UNC5C: variants seen among roughly 807,000 people sequenced by gnomAD.
UNC5C encodes unc-5 netrin receptor C, also known as netrin receptor UNC5C.
UNC5C carries 47 observed loss-of-function variants against 99.8 expected under a neutral mutation model. The ratio of observed to expected loss-of-function variants is 0.47; its 90% CI spans 0.37 to 0.60. The LOEUF (loss-of-function observed/expected upper bound fraction) is 0.60. Among genes scored for constraint, UNC5C ranks in the 20% least tolerant of loss-of-function variants. The probability of loss-of-function intolerance (pLI) is 0.00; values close to 1 mark genes in which losing one functional copy is unlikely to be tolerated. For missense variants in UNC5C, 1,062 were observed against 1,165.9 expected (o/e 0.91, Z 1.30); for synonymous variants, 487 against 452.2 (o/e 1.08, Z -0.98).
chr4:95,458,707 G>A (rs573250444), intron 1 of UNC5C, among the ~76,000 whole-genome samples: 1 of 152,006 alleles, frequency 6.6e-6, no homozygotes, highest in South Asian at 2.1e-4. Flanking sequence ...TGGTGTAAAG[G>A]AATAAATGAA....
In UNC5C at chr4:95,169,413, A is replaced by G; in HGVS notation, c.2631-14T>C. On this transcript the variant is annotated splice_polypyrimidine_tract_variant and intron_variant, in intron 15 of 15. Transcript: ENST00000453304. The stretch of plus-strand genomic sequence containing the variant: ...TAATTCAAGTACCTGTAATTGGGAA[A>G]GAGAAAATGTGCTCAACAGTGTGAC... 1 of 1,613,492 alleles carries G rather than the reference A, an allele frequency of 6.2e-7. No homozygotes were observed. Among genetic ancestry groups the G allele is most frequent in the Admixed American group, 1.7e-5 (1 of 60,022 alleles).
chr4:95,405,093 C>T (rs1352120833), intron 1 of UNC5C, among the ~76,000 whole-genome samples: 1 of 152,184 alleles, frequency 6.6e-6, no homozygotes. Context: ...GGATGCTGGA[C>T]AAGAGCTTGG....
chr4:95,309,154 C>T (rs1463862381), intron 2 of UNC5C, among the ~76,000 whole-genome samples: 1 of 152,076 alleles, frequency 6.6e-6, no homozygotes, highest in Non-Finnish European at 1.5e-5. Flanking sequence ...TGATTTTTGA[C>T]AGAGATGCCA....
chr4:95,442,367 T>A (rs1181850734), intron 1 of UNC5C, among the ~76,000 whole-genome samples: 1 of 143,234 alleles, frequency 7.0e-6, no homozygotes, highest in East Asian at 2.2e-4. Flanking sequence ...CATGCCCAGC[T>A]AATTTTTTTT....
Position 95,169,114 on chromosome 4 carries a change from G to T in UNC5C, c.*120C>A. On this transcript the variant is annotated 3_prime_UTR_variant, in exon 16 of 16. Transcript: ENST00000453304. ...ATCTGTTTTCCTTCTGGCTCCTGCTGCAGTCTTGCCTGTGAAGTGCATTGG... is the reference window on the plus strand; with the variant it reads ...ATCTGTTTTCCTTCTGGCTCCTGCTTCAGTCTTGCCTGTGAAGTGCATTGG... 1 of 1,262,336 alleles carries T rather than the reference G, an allele frequency of 7.9e-7. No individual in the cohort carries two copies. The highest frequency in any genetic ancestry group is 1.1e-6 in the Non-Finnish European group (1 of 902,110). The allele number at this position is 1,262,336 out of a possible 1,614,324, so 78.2% of individuals were successfully genotyped here.
chr4:95,356,699 G>C (rs1009707417), intron 1 of UNC5C, among the ~76,000 whole-genome samples: 2 of 152,124 alleles, frequency 1.3e-5, no homozygotes, highest in Non-Finnish European at 2.9e-5. Context: ...GTGAGAGAGA[G>C]GCCTGGGTAA....
chr4:95,457,518 CA>C (rs1307354711), intron 1 of UNC5C, among the ~76,000 whole-genome samples: 6 of 152,096 alleles, frequency 3.9e-5, no homozygotes, highest in Admixed American at 6.6e-5. Context: ...TCTCAGGAAC[CA>C]ACAAAACAAG....
intron 1 of UNC5C, among the ~76,000 whole-genome samples, chr4:95,383,559 A>G (rs1740705286): frequency 6.6e-6 from 1 of 152,174 alleles, no homozygotes; most frequent in Non-Finnish European, 1.5e-5. Flanking sequence ...CAACAACTTA[A>G]TGATGAATCT....
chr4:95,536,577 A>C (rs772223655), intron 1 of UNC5C, among the ~76,000 whole-genome samples: 1 of 152,236 alleles, frequency 6.6e-6, no homozygotes, highest in African/African-American at 2.4e-5. Flanking sequence ...TCATAATACT[A>C]GTTCATAGAT....
chr4:95,270,348 A>C (rs963397515), intron 4 of UNC5C, among the ~76,000 whole-genome samples: 1 of 152,310 alleles, frequency 6.6e-6, no homozygotes, highest in African/African-American at 2.4e-5. Context: ...AGGTTTGTGC[A>C]AGTCTGGGTA....
intron 7 of UNC5C, among the ~76,000 whole-genome samples, chr4:95,233,345 T>G (rs1268884682): frequency 6.6e-6 from 1 of 152,204 alleles, no homozygotes; most frequent in South Asian, 2.1e-4. Context: ...TACTGTGGCA[T>G]GAACCGTCTT....
chr4:95,477,548 G>C (rs1720966585), intron 1 of UNC5C, among the ~76,000 whole-genome samples: 2 of 151,982 alleles, frequency 1.3e-5, no homozygotes, highest in African/African-American at 4.8e-5. Flanking sequence ...ACATGAGATG[G>C]AGAGACAAAG....
intron 1 of UNC5C, among the ~76,000 whole-genome samples, chr4:95,455,289 A>T (rs1747396691): frequency 6.6e-6 from 1 of 152,094 alleles, no homozygotes; most frequent in Non-Finnish European, 1.5e-5. Flanking sequence ...AGCTGGAGAT[A>T]GAGGTAAGGG....
At chr4:95,494,949 T>C (rs1226148235) in intron 1 of UNC5C, among the ~76,000 whole-genome samples, 1 of 151,482 alleles carries the variant, frequency 6.6e-6, no homozygotes, top group Non-Finnish European at 1.5e-5. Context: ...ATGGCCACCA[T>C]ATATAGAGAA....
At chr4:95,258,778 G>A (rs1316376005) in intron 4 of UNC5C, among the ~76,000 whole-genome samples, 1 of 72,984 alleles carries the variant, frequency 1.4e-5, no homozygotes, top group East Asian at 8.5e-4. Context: ...TTTTTGAGAC[G>A]GAGTCTCGCT....
intron 1 of UNC5C, among the ~76,000 whole-genome samples, chr4:95,523,525 A>G (rs1722414706): frequency 6.6e-6 from 1 of 152,188 alleles, no homozygotes; most frequent in Non-Finnish European, 1.5e-5. Flanking sequence ...GCAACTGATT[A>G]GGGGTATAGC....
At chr4:95,203,767 A>G (rs1737776275) in intron 11 of UNC5C, among the ~76,000 whole-genome samples, 1 of 152,102 alleles carries the variant, frequency 6.6e-6, no homozygotes. Flanking sequence ...CCCAGCCACA[A>G]CTTTTTAACA....
chr4:95,291,003 A>C (rs184914413), intron 3 of UNC5C, among the ~76,000 whole-genome samples: 1 of 152,326 alleles, frequency 6.6e-6, no homozygotes, highest in Admixed American at 6.5e-5. Context: ...AAGACTCTTT[A>C]GAAGGGAGGA....
At chr4:95,177,844 G>A (rs899747385) in intron 14 of UNC5C, among the ~76,000 whole-genome samples, 4 of 150,814 alleles carry the variant, frequency 2.7e-5, no homozygotes, top group South Asian at 2.1e-4. Context: ...TGAGACTATC[G>A]GTGTGCACCA....
Sources: allele counts gnomAD v4.1 joint callset (sites outside exome capture counted in the v4.1 genomes callset), GRCh38; gene constraint gnomAD v4.1.1; transcripts MANE v1.5; gene names NCBI Gene and HGNC (gene_info 2026-07-23, HGNC 2026-07-21).